Variants in ANKS1B observed in about 807,000 individuals in gnomAD.
The protein encoded by ANKS1B is ankyrin repeat and sterile alpha motif domain-containing protein 1B.
In ANKS1B, 36 loss-of-function variants were observed where a neutral mutation model predicts 148.3. The observed-to-expected ratio is 0.24, with a 90% CI of 0.19 to 0.32. ANKS1B has a LOEUF of 0.32. ANKS1B is among the 10% of genes least tolerant of loss of function. ANKS1B has a pLI of 1.00. For synonymous variants in ANKS1B, 542 were observed against 560.8 expected, an observed-to-expected ratio of 0.97 and a Z score of 0.47; for missense variants, 1,157 against 1,542.6, an observed-to-expected ratio of 0.75 and a Z score of 4.19.
intron 11 of ANKS1B, among the ~76,000 whole-genome samples, chr12:99,425,844 C>T (rs1487593370): frequency 6.7e-6 from 1 of 148,856 alleles, no homozygotes; most frequent in African/African-American, 2.4e-5. Flanking sequence ...ATATTTATCT[C>T]TATAGCATTA....
intron 17 of ANKS1B, among the ~76,000 whole-genome samples, chr12:98,982,183 AT>A (rs539686846): frequency 6.6e-6 from 1 of 152,380 alleles, no homozygotes; most frequent in African/African-American, 2.4e-5. Flanking sequence ...TGCTATAAAA[AT>A]ATATGTAAAC....
chr12:99,323,354 A>G (rs2085682209), intron 12 of ANKS1B, among the ~76,000 whole-genome samples: 1 of 152,164 alleles, frequency 6.6e-6, no homozygotes, highest in Non-Finnish European at 1.5e-5. Context: ...TCATGCAGCC[A>G]TATTCATTTT....
intron 17 of ANKS1B, among the ~76,000 whole-genome samples, chr12:98,882,772 C>T (rs946325966): frequency 1.3e-5 from 2 of 150,878 alleles, no homozygotes; most frequent in Non-Finnish European, 3.0e-5. Context: ...AAAAAAAATT[C>T]CTTATTATTT....
At chr12:99,517,013 A>T (rs188524009) in intron 9 of ANKS1B, among the ~76,000 whole-genome samples, 52 of 152,216 alleles carry the variant, frequency 3.4e-4, no homozygotes, top group Middle Eastern at 3.4e-3. Context: ...TTGTAGTTCC[A>T]TATAAATTTT....
intron 22 of ANKS1B, among the ~76,000 whole-genome samples, chr12:98,790,183 T>A (rs910701172): frequency 6.6e-6 from 1 of 152,130 alleles, no homozygotes; most frequent in Non-Finnish European, 1.5e-5. Context: ...AACTTCTGTG[T>A]TTTTTGGGGG....
intron 8 of ANKS1B, among the ~76,000 whole-genome samples, chr12:99,659,754 T>G (rs1195133076): frequency 6.6e-6 from 1 of 152,116 alleles, no homozygotes; most frequent in Non-Finnish European, 1.5e-5. Flanking sequence ...CCCAATAAAA[T>G]AGAGTAAGAA....
chr12:99,337,526 A>G (rs2089151053), intron 12 of ANKS1B, among the ~76,000 whole-genome samples: 2 of 152,098 alleles, frequency 1.3e-5, no homozygotes, highest in Admixed American at 6.6e-5. Flanking sequence ...TGGTCAGGTA[A>G]CATTTTCCTG....
intron 17 of ANKS1B, among the ~76,000 whole-genome samples, chr12:98,943,021 A>G (rs1009969026): frequency 2.6e-5 from 4 of 152,220 alleles, no homozygotes; most frequent in Admixed American, 6.5e-5. Flanking sequence ...CTCAGGCAAA[A>G]AGAGATAGAA....
At chr12:98,895,322 C>A in intron 17 of ANKS1B, 2 of 985,090 alleles carry the variant, frequency 2.0e-6, no homozygotes, top group Non-Finnish European at 2.4e-6. Context: ...GCCCCCTCCG[C>A]GCACTCCGGG....
rs571516747 is a variant in ANKS1B, at chr12:99,458,618, G to C, written c.1439-14809C>G. ...CACAGAAATACAAAAGACCATTTAAGGTTACTATGAACACTTTTATGTGCA... is the reference window on the plus strand; with the variant it reads ...CACAGAAATACAAAAGACCATTTAACGTTACTATGAACACTTTTATGTGCA... On this transcript the variant is annotated intron_variant, in intron 10 of 26. Transcript: ENST00000683438. Among the ~76,000 whole-genome samples, 4 of 151,996 alleles carry C rather than the reference G, an allele frequency of 2.6e-5. No individual in the cohort carries two copies. In the South Asian group the frequency reaches 8.3e-4, roughly 32 times the overall value.
intron 17 of ANKS1B, among the ~76,000 whole-genome samples, chr12:98,844,338 A>G (rs2099430428): frequency 6.6e-6 from 1 of 152,124 alleles, no homozygotes; most frequent in Admixed American, 6.5e-5. Context: ...TAAAATTCTA[A>G]CTTCATTCAG....
intron 12 of ANKS1B, among the ~76,000 whole-genome samples, chr12:99,312,216 T>A (rs887233316): frequency 6.6e-6 from 1 of 152,188 alleles, no homozygotes; most frequent in Non-Finnish European, 1.5e-5. Flanking sequence ...CCAGGAGTCT[T>A]GATTTTAAAA....
At chr12:99,090,364 C>T (rs2053615704) in intron 15 of ANKS1B, among the ~76,000 whole-genome samples, 1 of 152,078 alleles carries the variant, frequency 6.6e-6, no homozygotes, top group Non-Finnish European at 1.5e-5. Context: ...TTAAGGACCA[C>T]AGGGAACTGG....
Position 99,545,721 on chromosome 12 carries a change from T to C in ANKS1B, c.1273-41080A>G, listed in dbSNP as rs150768297. 3.5e-3 allele frequency among the ~76,000 whole-genome samples: 534 copies of C among 150,630 alleles called. 4 individuals are homozygous for C. The highest frequency in any genetic ancestry group is 0.011 in the African/African-American group (447 of 41,218). ...TAAGATCAACAAAGCACCATTTCCA[T>C]GTACCTTTTGCAATATATATATACA... On this transcript the variant is annotated intron_variant, in intron 9 of 26. Coordinates refer to ENST00000683438, the MANE Select transcript of ANKS1B (RefSeq NM_001352186.2).
At position 99,366,513 on chromosome 12, in the gene ANKS1B, T is replaced by C. The variant is rs2092777464; in HGVS notation, c.1756+33118A>G. Among the ~76,000 whole-genome samples the C allele has an allele frequency of 3.3e-5, 5 of 152,202 alleles. No individual in the cohort carries two copies. The South Asian group carries it at 1.0e-3, about 32-fold the overall frequency. On this transcript the variant is annotated intron_variant, in intron 12 of 26. Coordinates refer to ENST00000683438, the MANE Select transcript of ANKS1B (RefSeq NM_001352186.2). The stretch of plus-strand genomic sequence containing the variant: ...GGCCCATGAATAGACAGAAGGATGA[T>C]GAAACAAATAGAAAGTCCAGAAATA...
chr12:99,234,681 T>C (rs1029645424), intron 14 of ANKS1B, among the ~76,000 whole-genome samples: 1 of 152,066 alleles, frequency 6.6e-6, no homozygotes, highest in Non-Finnish European at 1.5e-5. Context: ...CTCATTTCTG[T>C]CAATGGGGAA....
intron 10 of ANKS1B, among the ~76,000 whole-genome samples, chr12:99,452,656 T>C (rs2095764530): frequency 6.6e-6 from 1 of 152,218 alleles, no homozygotes; most frequent in African/African-American, 2.4e-5. Flanking sequence ...GTATTTTCAG[T>C]GAGAAAGTAC....
chr12:99,710,591 C>A (rs369892627), intron 8 of ANKS1B, among the ~76,000 whole-genome samples: 1 of 147,268 alleles, frequency 6.8e-6, no homozygotes, highest in Admixed American at 7.0e-5. Flanking sequence ...CTTTATAATA[C>A]CTTCAGTAGC....
intron 12 of ANKS1B, among the ~76,000 whole-genome samples, chr12:99,346,127 T>G (rs1022110689): frequency 6.6e-6 from 1 of 152,016 alleles, no homozygotes; most frequent in African/African-American, 2.4e-5. Context: ...TTTATTATCC[T>G]TGTCTTTAGT....
Sources: gnomAD v4.1 joint callset for allele counts (sites outside exome capture counted in the v4.1 genomes callset) on GRCh38, gnomAD v4.1.1 for gene constraint, MANE v1.5 for transcripts, NCBI Gene and HGNC (gene_info 2026-07-23, HGNC 2026-07-21) for gene names.